Variants in HEATR5B observed in about 807,000 individuals in gnomAD.
The protein encoded by HEATR5B is HEAT repeat-containing protein 5B.
Under a neutral mutation model 224.1 loss-of-function variants are expected in HEATR5B, and 156 were observed. The observed-to-expected ratio is 0.70, with a 90% confidence interval of 0.61 to 0.80. HEATR5B has a LOEUF of 0.80. Among genes scored for constraint, HEATR5B ranks in the 30% least tolerant of loss-of-function variants. The pLI is 0.00. For synonymous variants in HEATR5B, 1,027 were observed against 893.0 expected (o/e 1.15, Z -2.68); for missense variants, 2,323 against 2,535.5 (o/e 0.92, Z 1.80).
intron 17 of HEATR5B, among the ~76,000 whole-genome samples, chr2:37,050,340 C>T (rs1044009060): frequency 2.6e-5 from 4 of 152,146 alleles, no homozygotes; most frequent in African/African-American, 7.2e-5. Context: ...TTCCTAAATA[C>T]GATTTCAGAA....
chr2:36,995,087 G>GCTTTTTTTTTT (rs1553415173), intron 33 of HEATR5B, among the ~76,000 whole-genome samples: 1 of 104,132 alleles, frequency 9.6e-6, no homozygotes, highest in African/African-American at 4.1e-5. Flanking sequence ...GTTATTCCTT[G>GCTTTTTTTTTT]TTTTTTTTTT....
intron 18 of HEATR5B, among the ~76,000 whole-genome samples, chr2:37,048,790 G>A (rs1243163619): frequency 6.6e-6 from 1 of 152,058 alleles, no homozygotes; most frequent in African/African-American, 2.4e-5. Context: ...TAGTGCATTA[G>A]GGCATTACCA....
chr2:37,020,964 CAA>C lies in HEATR5B; in HGVS notation c.3854-130_3854-129del, dbSNP rs1309202906. ...ACATATTTCACAACTTTGAAAATAG[CAA>C]AGATATTATATTCTTTCAAGACAAC... is the stretch of plus-strand genomic sequence containing the variant. On this transcript the variant is annotated intron_variant, in intron 24 of 35. Coordinates refer to ENST00000233099, the MANE Select transcript of HEATR5B (RefSeq NM_019024.3). 5 of 586,908 alleles carry C rather than the reference CAA, an allele frequency of 8.5e-6. No homozygotes were observed. The African/African-American group carries it at 9.5e-5, about 11-fold the overall frequency. The allele number at this position is 586,908 out of a possible 1,614,324, so 36.4% of individuals were successfully genotyped here. A position where few individuals can be genotyped will look rare whatever the true frequency, so the allele number is the denominator to read the frequency against.
At chr2:37,012,869 A>G (rs1261182816) in intron 27 of HEATR5B, among the ~76,000 whole-genome samples, 1 of 152,230 alleles carries the variant, frequency 6.6e-6, no homozygotes. Flanking sequence ...CTGAGCCTCC[A>G]GCCTATTGTA....
At chr2:37,037,761 A>AAT (rs1669590776) in intron 21 of HEATR5B, 94 bp downstream of exon 21, 1 of 845,970 alleles carries the variant, frequency 1.2e-6, no homozygotes, top group Non-Finnish European at 1.6e-6. Flanking sequence ...GTACCCCAAA[A>AAT]ATATATATAG....
chr2:36,995,407 A>G (rs532893953), intron 33 of HEATR5B, among the ~76,000 whole-genome samples: 1 of 152,234 alleles, frequency 6.6e-6, no homozygotes, highest in South Asian at 2.1e-4. Flanking sequence ...CTATACACAC[A>G]TATACATATA....
chr2:36,987,098 A>C (rs1021924133), intron 35 of HEATR5B, among the ~76,000 whole-genome samples: 5 of 151,984 alleles, frequency 3.3e-5, no homozygotes, highest in African/African-American at 1.2e-4. Context: ...CAGTCATTTC[A>C]CTCTTAGGAA....
chr2:37,041,080 T>A, intron 19 of HEATR5B, 53 bp downstream of exon 19: 1 of 1,475,658 alleles, frequency 6.8e-7, no homozygotes, highest in Non-Finnish European at 9.3e-7. Flanking sequence ...GAGCAAATAA[T>A]TTTCCAAAAA....
chr2:37,075,071 G>A (rs551699183), intron 5 of HEATR5B, among the ~76,000 whole-genome samples: 31 of 152,274 alleles, frequency 2.0e-4, no homozygotes, highest in Non-Finnish European at 2.5e-4. Context: ...GGTTATTTGC[G>A]GAAGTGAAAT....
chr2:37,049,048 T>C (rs900325219), intron 18 of HEATR5B, among the ~76,000 whole-genome samples: 13 of 152,232 alleles, frequency 8.5e-5, no homozygotes, highest in African/African-American at 3.1e-4. Flanking sequence ...TCTCTACTTA[T>C]GCACTTGATT....
At chr2:37,031,426 T>TTTTC (rs3084364) in intron 22 of HEATR5B, among the ~76,000 whole-genome samples, 21,546 of 148,080 alleles carry the variant, frequency 0.15, 2,110 homozygotes, top group East Asian at 0.52. Context: ...TCTGTTTTTC[T>TTTTC]TTTCTTTCTT....
At position 37,028,025 on chromosome 2, in the gene HEATR5B, CA is replaced by C. The variant is rs1208434869; in HGVS notation, c.3750del (p.Phe1250LeufsTer88). The C allele has an allele frequency of 6.2e-7, 1 of 1,614,180 alleles. No homozygotes were observed. Among genetic ancestry groups the C allele is most frequent in the East Asian group, 2.2e-5 (1 of 44,886 alleles). On this transcript the variant is annotated frameshift_variant, in exon 24 of 36. Coordinates refer to ENST00000233099, the MANE Select transcript of HEATR5B (RefSeq NM_019024.3). LOFTEE classifies it high-confidence loss of function. ...FVAPRWATRV[F>X]AADCLCRIIN... ...ATGATTCGACACAGGCAATCGGCAG[CA>C]AATACTCGAGTGGCCCAGCGAGGGG...
In HEATR5B at chr2:37,074,191, C is replaced by T. The variant is rs527588009; in HGVS notation, c.597+1294G>A. On this transcript the variant is annotated intron_variant, in intron 5 of 35. Coordinates refer to ENST00000233099, the MANE Select transcript of HEATR5B (RefSeq NM_019024.3). ...AAAAAAAATTAGCTGGGCATGGTGG[C>T]GGACGCCTGTAGTCCCAGCTACTTG... is the stretch of plus-strand genomic sequence containing the variant. Among the ~76,000 whole-genome samples, 17 of 151,898 alleles carry T rather than the reference C, an allele frequency of 1.1e-4. No homozygotes were observed. In the East Asian group the frequency reaches 2.7e-3, roughly 24 times the overall value.
intron 35 of HEATR5B, among the ~76,000 whole-genome samples, chr2:36,987,884 C>A (rs1365917658): frequency 2.0e-5 from 3 of 151,882 alleles, no homozygotes; most frequent in African/African-American, 7.3e-5. Context: ...CCAACCTGGG[C>A]AACATGGCAA....
intron 27 of HEATR5B, among the ~76,000 whole-genome samples, chr2:37,012,422 C>G (rs1440546887): frequency 1.3e-5 from 2 of 151,902 alleles, no homozygotes; most frequent in Non-Finnish European, 2.9e-5. Context: ...AAGAGTCTCG[C>G]TCTTGTTGCC....
In HEATR5B at chr2:37,057,389, G is replaced by A. The variant is rs943677440; in HGVS notation, c.2151C>T (p.Leu717=). Reference sequence around the variant, plus strand: ...GAAGAACACTATCATCATAATGGCAGAGGGATCTGAGGAGGGAAGTAGTTG... The same window carrying A: ...GAAGAACACTATCATCATAATGGCAAAGGGATCTGAGGAGGGAAGTAGTTG... ...ANTTTSLLRS[L]CHYDDSVLLG... Residue 717 remains leucine, a synonymous_variant, in exon 15 of 36, where the codon CTC becomes CTT. Coordinates refer to ENST00000233099, the MANE Select transcript of HEATR5B (RefSeq NM_019024.3). The A allele has an allele frequency of 6.2e-7, 1 of 1,612,586 alleles. No individual in the cohort carries two copies. Among genetic ancestry groups the A allele is most frequent in the African/African-American group, 1.3e-5 (1 of 74,872 alleles).
chr2:37,048,047 G>T (rs1285492958), intron 18 of HEATR5B, among the ~76,000 whole-genome samples: 1 of 152,034 alleles, frequency 6.6e-6, no homozygotes, highest in Non-Finnish European at 1.5e-5. Flanking sequence ...CAGATCATAA[G>T]GATTTGAAAA....
chr2:37,056,367 G>A, intron 16 of HEATR5B, 73 bp downstream of exon 16: 1 of 1,029,662 alleles, frequency 9.7e-7, no homozygotes, highest in East Asian at 2.7e-5. Context: ...GAGTTAACTG[G>A]GATGAGAAAA....
At chr2:37,033,156 G>A (rs1265886179) in intron 21 of HEATR5B, among the ~76,000 whole-genome samples, 1 of 152,040 alleles carries the variant, frequency 6.6e-6, no homozygotes, top group African/African-American at 2.4e-5. Flanking sequence ...TGGGATTACA[G>A]GCATGAGCCA....
Sources: gnomAD v4.1 joint callset for allele counts (sites outside exome capture counted in the v4.1 genomes callset) on GRCh38, gnomAD v4.1.1 for gene constraint, MANE v1.5 for transcripts, NCBI Gene and HGNC (gene_info 2026-07-23, HGNC 2026-07-21) for gene names.